The following RBFOX1 variants were observed in gnomAD, a reference collection of about 807,000 sequenced individuals.
The protein encoded by RBFOX1 is RNA binding protein fox-1 homolog 1.
A neutral mutation model predicts 57.7 loss-of-function variants in RBFOX1; 8 were observed. The observed-to-expected ratio is 0.14, with a 90% confidence interval of 0.08 to 0.25. RBFOX1 has a LOEUF of 0.25. Ranked by LOEUF, RBFOX1 falls within the 10% of genes least tolerant of loss-of-function variation. The pLI is 1.00. For synonymous variants in RBFOX1, 326 were observed against 222.4 expected (o/e 1.47, Z -4.15); for missense variants, 611 against 548.5 (o/e 1.11, Z -1.14).
chr16:7,699,863 T>G (rs2080085365), intron 14 of RBFOX1, among the ~76,000 whole-genome samples: 1 of 152,170 alleles, frequency 6.6e-6, no homozygotes, highest in African/African-American at 2.4e-5. Flanking sequence ...AAATGAATAT[T>G]GAAAGAGTTT....
intron 1 of RBFOX1, among the ~76,000 whole-genome samples, chr16:6,122,897 G>T (rs893333546): frequency 2.7e-5 from 4 of 150,660 alleles, no homozygotes; most frequent in African/African-American, 7.3e-5. Context: ...AAGTAGAAAA[G>T]ATATTAGTTT....
At chr16:5,603,136 T>C (rs1447750943), downstream of RBFOX1, among the ~76,000 whole-genome samples, 1 of 152,232 alleles carries the variant, frequency 6.6e-6, no homozygotes, top group Admixed American at 6.5e-5. Context: ...TCCACCTGTC[T>C]GCTTTGGCAC....
chr16:6,960,181 G>T (rs1047749386), intron 3 of RBFOX1, among the ~76,000 whole-genome samples: 1 of 152,100 alleles, frequency 6.6e-6, no homozygotes, highest in Non-Finnish European at 1.5e-5. Flanking sequence ...ACACCTCCAT[G>T]ATTTAGCAGG....
intron 2 of RBFOX1, among the ~76,000 whole-genome samples, chr16:5,551,473 G>T (rs2045462354): frequency 6.6e-6 from 1 of 152,138 alleles, no homozygotes; most frequent in Non-Finnish European, 1.5e-5. Flanking sequence ...CTGCAGCCAG[G>T]GAGTTCCGGC....
chr16:5,677,060 G>T (rs1260108925), intron 3 of RBFOX1, among the ~76,000 whole-genome samples: 1 of 152,126 alleles, frequency 6.6e-6, no homozygotes, highest in African/African-American at 2.4e-5. Context: ...CTCCAATTCT[G>T]CATCTTCCCA....
intron 4 of RBFOX1, among the ~76,000 whole-genome samples, chr16:7,470,978 C>T (rs906327996): frequency 2.6e-5 from 4 of 151,922 alleles, no homozygotes; most frequent in East Asian, 1.9e-4. Context: ...CAGTCTTTTC[C>T]ATGATCCTAC....
At chr16:6,224,722 T>C (rs1195705946) in intron 1 of RBFOX1, among the ~76,000 whole-genome samples, 1 of 152,108 alleles carries the variant, frequency 6.6e-6, no homozygotes, top group Admixed American at 6.6e-5. Flanking sequence ...CAAAAGCAGA[T>C]TAAGAATCAC....
chr16:7,662,704 C>T (rs1017709783), intron 12 of RBFOX1, among the ~76,000 whole-genome samples: 2 of 152,182 alleles, frequency 1.3e-5, no homozygotes, highest in African/African-American at 4.8e-5. Flanking sequence ...GGAAAAGTCA[C>T]CCAGCTGCAG....
At chr16:6,039,907 C>A (rs1192545994) in intron 1 of RBFOX1, among the ~76,000 whole-genome samples, 1 of 152,192 alleles carries the variant, frequency 6.6e-6, no homozygotes, top group Admixed American at 6.5e-5. Context: ...GTTGAGAGGC[C>A]TGAGCCCTTC....
chr16:7,584,721 T>G (rs1409251253), intron 6 of RBFOX1, among the ~76,000 whole-genome samples: 2 of 152,246 alleles, frequency 1.3e-5, no homozygotes, highest in African/African-American at 2.4e-5. Context: ...CTATTTAAAT[T>G]GAAAATGTGC....
At chr16:6,928,398 G>C (rs897187436) in intron 3 of RBFOX1, among the ~76,000 whole-genome samples, 2 of 152,154 alleles carry the variant, frequency 1.3e-5, no homozygotes, top group African/African-American at 4.8e-5. Flanking sequence ...CCCTGTGGGA[G>C]CAGAGGTTGT....
At chr16:7,646,869 T>A (rs2063837655) in intron 11 of RBFOX1, among the ~76,000 whole-genome samples, 2 of 152,118 alleles carry the variant, frequency 1.3e-5, no homozygotes, top group South Asian at 2.1e-4. Flanking sequence ...AGCACCATGT[T>A]CGTAAAAGAG....
intron 4 of RBFOX1, among the ~76,000 whole-genome samples, chr16:7,287,154 GAGA>G (rs1221152658): frequency 3.9e-5 from 6 of 152,314 alleles, no homozygotes; most frequent in Admixed American, 2.0e-4. Flanking sequence ...TTAATAGAGA[GAGA>G]AGATTAGTGA....
At chr16:6,816,740 A>G (rs1031126458) in intron 3 of RBFOX1, among the ~76,000 whole-genome samples, 7 of 150,056 alleles carry the variant, frequency 4.7e-5, no homozygotes, top group African/African-American at 1.7e-4. Flanking sequence ...ACTGTCTCAA[A>G]AAAAAAAAAA....
intron 1 of RBFOX1, among the ~76,000 whole-genome samples, chr16:6,053,792 C>A (rs1410550715): frequency 6.6e-6 from 1 of 152,072 alleles, no homozygotes; most frequent in Non-Finnish European, 1.5e-5. Context: ...GTGGCCTGCC[C>A]CATACCTATA....
chr16:6,235,050 G>A (rs142257461), intron 1 of RBFOX1, among the ~76,000 whole-genome samples: 3 of 152,050 alleles, frequency 2.0e-5, no homozygotes, highest in African/African-American at 7.2e-5. Flanking sequence ...AGATTGGCAG[G>A]GACATTGGTA....
At chr16:6,988,273 GC>G (rs2090725470) in intron 3 of RBFOX1, among the ~76,000 whole-genome samples, 1 of 152,148 alleles carries the variant, frequency 6.6e-6, no homozygotes, top group African/African-American at 2.4e-5. Context: ...TCTCAGCAAA[GC>G]CCTATAGACC....
chr16:7,170,989 C>G (rs932589453), intron 4 of RBFOX1, among the ~76,000 whole-genome samples: 6 of 152,168 alleles, frequency 3.9e-5, no homozygotes, highest in Non-Finnish European at 7.3e-5. Flanking sequence ...CACACACTCT[C>G]CCGTCTTGCT....
At chr16:7,355,553 A>C (rs1674631174) in intron 4 of RBFOX1, among the ~76,000 whole-genome samples, 1 of 152,182 alleles carries the variant, frequency 6.6e-6, no homozygotes, top group South Asian at 2.1e-4. Context: ...GTGGGATCTC[A>C]TCACCCACAT....
Sources: allele counts gnomAD v4.1 joint callset (sites outside exome capture counted in the v4.1 genomes callset), GRCh38; gene constraint gnomAD v4.1.1; transcripts MANE v1.5; gene names NCBI Gene and HGNC (gene_info 2026-07-23, HGNC 2026-07-21).